CCDC85A: variants seen among roughly 807,000 people sequenced by gnomAD.
The protein encoded by CCDC85A is coiled-coil domain containing 85A.
In CCDC85A, 38 loss-of-function variants were observed where a neutral mutation model predicts 50.2. The ratio of observed to expected loss-of-function variants is 0.76; its 90% CI spans 0.58 to 0.99. The LOEUF is 0.99. Among genes scored for constraint, CCDC85A ranks in the 50% least tolerant of loss-of-function variants. The probability of loss-of-function intolerance (pLI) is 0.00; values close to 1 mark genes in which losing one functional copy is unlikely to be tolerated. For synonymous variants in CCDC85A, 366 were observed against 301.4 expected, an observed-to-expected ratio of 1.21 and a Z score of -2.22; for missense variants, 820 against 742.0, an observed-to-expected ratio of 1.11 and a Z score of -1.22.
intron 3 of CCDC85A, among the ~76,000 whole-genome samples, chr2:56,363,559 A>T (rs774128434): frequency 7.2e-5 from 11 of 152,134 alleles, no homozygotes; most frequent in Non-Finnish European, 1.3e-4. Context: ...CCCATTTTGC[A>T]TGGGAGCTTC....
intron 2 of CCDC85A, among the ~76,000 whole-genome samples, chr2:56,300,713 A>G (rs1299560699): frequency 6.6e-6 from 1 of 152,230 alleles, no homozygotes; most frequent in African/African-American, 2.4e-5. Context: ...AAGCTATCCA[A>G]AGTGTATACA....
At chr2:56,194,118 C>T (rs555814621) in intron 2 of CCDC85A, among the ~76,000 whole-genome samples, 2 of 152,216 alleles carry the variant, frequency 1.3e-5, no homozygotes, top group African/African-American at 4.8e-5. Context: ...CTCCCTTATA[C>T]ATATTCCAAA....
At chr2:56,341,754 A>T (rs1573299490) in intron 2 of CCDC85A, among the ~76,000 whole-genome samples, 1 of 152,218 alleles carries the variant, frequency 6.6e-6, no homozygotes, top group African/African-American at 2.4e-5. Flanking sequence ...AATGAAAAAA[A>T]TAGTCAATTT....
chr2:56,271,578 C>A (rs1670699577), intron 2 of CCDC85A, among the ~76,000 whole-genome samples: 1 of 152,130 alleles, frequency 6.6e-6, no homozygotes, highest in African/African-American at 2.4e-5. Flanking sequence ...AACTGACAGG[C>A]TAATACATTA....
At chr2:56,271,305 C>T (rs556623396) in intron 2 of CCDC85A, among the ~76,000 whole-genome samples, 2 of 151,988 alleles carry the variant, frequency 1.3e-5, no homozygotes, top group African/African-American at 4.8e-5. Context: ...ATATAGCATG[C>T]GTGTTTAGGT....
chr2:56,302,526 T>G (rs1192767485), intron 2 of CCDC85A, among the ~76,000 whole-genome samples: 1 of 152,188 alleles, frequency 6.6e-6, no homozygotes, highest in African/African-American at 2.4e-5. Flanking sequence ...CTCTAGAATT[T>G]TGGAACAGAA....
At chr2:56,206,183 T>G (rs1469888330) in intron 2 of CCDC85A, among the ~76,000 whole-genome samples, 1 of 152,168 alleles carries the variant, frequency 6.6e-6, no homozygotes, top group East Asian at 1.9e-4. Context: ...CCAAGAATGT[T>G]TTCTAATAGC....
chr2:56,380,002 T>A (rs1055195333), intron 5 of CCDC85A, among the ~76,000 whole-genome samples: 10 of 152,208 alleles, frequency 6.6e-5, no homozygotes, highest in Non-Finnish European at 1.5e-4. Flanking sequence ...TTCAGTATAT[T>A]TTATTGTAGT....
chr2:56,235,244 C>G (rs1668954750), intron 2 of CCDC85A: 1 of 152,092 alleles, frequency 6.6e-6, no homozygotes, highest in African/African-American at 2.4e-5. Flanking sequence ...GTGGTTTTCT[C>G]CCATCCAAGT....
intron 1 of CCDC85A, among the ~76,000 whole-genome samples, chr2:56,188,674 C>T (rs1375248747): frequency 1.3e-5 from 2 of 152,176 alleles, no homozygotes; most frequent in Admixed American, 1.3e-4. Context: ...TTCTGATTTC[C>T]TGTAAAGCAT....
intron 4 of CCDC85A, among the ~76,000 whole-genome samples, chr2:56,374,350 A>G (rs1336449817): frequency 6.6e-6 from 1 of 152,234 alleles, no homozygotes; most frequent in Non-Finnish European, 1.5e-5. Context: ...AAATGACAGC[A>G]AGAAAGAAAG....
intron 5 of CCDC85A, among the ~76,000 whole-genome samples, chr2:56,377,601 A>C (rs1325815959): frequency 1.3e-5 from 2 of 152,154 alleles, no homozygotes; most frequent in Non-Finnish European, 2.9e-5. Context: ...GAGCTCCTCA[A>C]TTTTCTCTGA....
chr2:56,241,364 A>G (rs778989503), intron 2 of CCDC85A, among the ~76,000 whole-genome samples: 9 of 152,122 alleles, frequency 5.9e-5, no homozygotes, highest in Admixed American at 1.3e-4. Context: ...AAAATGTACA[A>G]TTAAATTATT....
intron 3 of CCDC85A, among the ~76,000 whole-genome samples, chr2:56,369,488 G>A (rs1675969007): frequency 6.6e-6 from 1 of 152,092 alleles, no homozygotes; most frequent in Admixed American, 6.5e-5. Context: ...AGGACTAAAG[G>A]CTATGACTCA....
At chr2:56,204,196 A>T (rs1176267631) in intron 2 of CCDC85A, among the ~76,000 whole-genome samples, 3 of 152,232 alleles carry the variant, frequency 2.0e-5, no homozygotes, top group Non-Finnish European at 4.4e-5. Flanking sequence ...ATAATTTCAT[A>T]GAAGAAGATC....
chr2:56,240,280 T>C (rs1428181370), intron 2 of CCDC85A, among the ~76,000 whole-genome samples: 1 of 152,132 alleles, frequency 6.6e-6, no homozygotes, highest in Non-Finnish European at 1.5e-5. Context: ...CCTCCTGTGA[T>C]CAATCAGATT....
At chr2:56,273,433 G>C (rs1573147887) in intron 2 of CCDC85A, among the ~76,000 whole-genome samples, 2 of 152,010 alleles carry the variant, frequency 1.3e-5, no homozygotes, top group South Asian at 2.1e-4. Flanking sequence ...AAAAATTGGA[G>C]TTAGACTTTA....
At chr2:56,227,752 G>A (rs549451127) in intron 2 of CCDC85A, among the ~76,000 whole-genome samples, 11 of 151,924 alleles carry the variant, frequency 7.2e-5, no homozygotes, top group African/African-American at 2.4e-4. Flanking sequence ...ATAGCTGTCT[G>A]TTTATGGTGA....
At position 56,213,847 on chromosome 2, in the gene CCDC85A, C is replaced by G. The variant is rs1274307485; in HGVS notation, c.1240+20407C>G. Among the ~76,000 whole-genome samples the G allele has an allele frequency of 2.6e-5, 4 of 152,022 alleles. No individual in the cohort carries two copies. The South Asian group carries it at 8.3e-4, about 32-fold the overall frequency. ...TGAAAATAGAACAACCAAAAATACC[C>G]GCCTCTCATAAATATGACATGATTA... On this transcript the variant is annotated intron_variant, in intron 2 of 5. Transcript: ENST00000407595.
Sources: gnomAD v4.1 joint callset for allele counts (sites outside exome capture counted in the v4.1 genomes callset) on GRCh38, gnomAD v4.1.1 for gene constraint, MANE v1.5 for transcripts, NCBI Gene and HGNC (gene_info 2026-07-23, HGNC 2026-07-21) for gene names.